Variants in MYO9A observed in about 807,000 individuals in gnomAD.
MYO9A encodes the protein unconventional myosin-IXa.
In MYO9A, 103 loss-of-function variants were observed where a neutral mutation model predicts 293.3. The observed-to-expected ratio is 0.35, with a 90% CI of 0.30 to 0.41. MYO9A has a LOEUF of 0.41. Among genes scored for constraint, MYO9A ranks in the 10% least tolerant of loss-of-function variants. The pLI is 1.00. For synonymous variants in MYO9A, 1,001 were observed against 1,035.7 expected (o/e 0.97, Z 0.64); for missense variants, 2,685 against 3,033.0 (o/e 0.89, Z 2.69).
intron 1 of MYO9A, among the ~76,000 whole-genome samples, chr15:72,086,346 G>A (rs2079727606): frequency 6.6e-6 from 1 of 152,044 alleles, no homozygotes; most frequent in African/African-American, 2.4e-5. Context: ...ACACAGGTGG[G>A]GATGGCCACT....
At chr15:71,920,184 T>C (rs998841858) in intron 18 of MYO9A, among the ~76,000 whole-genome samples, 10 of 152,242 alleles carry the variant, frequency 6.6e-5, no homozygotes, top group African/African-American at 2.2e-4. Context: ...TCCATCATTA[T>C]GGTTGAGTTT....
chr15:71,913,390 C>G (rs1258611612), intron 19 of MYO9A, among the ~76,000 whole-genome samples: 1 of 152,124 alleles, frequency 6.6e-6, no homozygotes, highest in Non-Finnish European at 1.5e-5. Context: ...AAAGACAGGA[C>G]AGAACAACTC....
chr15:72,049,154 TACAA>T (rs1216467464), intron 1 of MYO9A, among the ~76,000 whole-genome samples: 1 of 152,220 alleles, frequency 6.6e-6, no homozygotes, highest in African/African-American at 2.4e-5. Context: ...TTGTTTTTCA[TACAA>T]ACACTTACTG....
At chr15:71,860,068 C>G (rs979314438) in intron 33 of MYO9A, among the ~76,000 whole-genome samples, 6 of 152,114 alleles carry the variant, frequency 3.9e-5, no homozygotes, top group Non-Finnish European at 7.4e-5. Context: ...GCCCCTATGC[C>G]ATACAGTACC....
intron 2 of MYO9A, among the ~76,000 whole-genome samples, chr15:72,040,672 T>C (rs2078200882): frequency 6.6e-6 from 1 of 152,228 alleles, no homozygotes; most frequent in Admixed American, 6.5e-5. Context: ...ATTGGCTCAC[T>C]GCAACCTTTG....
At chr15:72,078,147 A>G (rs1044794971) in intron 1 of MYO9A, among the ~76,000 whole-genome samples, 1 of 152,176 alleles carries the variant, frequency 6.6e-6, no homozygotes, top group South Asian at 2.1e-4. Context: ...TACTTTTGCC[A>G]TATAATCTAC....
intron 12 of MYO9A, chr15:71,972,351 G>A (rs1052952006): frequency 6.6e-6 from 1 of 151,760 alleles, no homozygotes; most frequent in African/African-American, 2.4e-5. Flanking sequence ...AATATACTGG[G>A]GTAAATGTAA....
At chr15:71,994,714 TA>T in intron 9 of MYO9A, 129 bp from the exon 10 acceptor site, 1 of 569,236 alleles carries the variant, frequency 1.8e-6, no homozygotes. Flanking sequence ...TCTCTCAAAA[TA>T]AAAAATCTAT....
intron 1 of MYO9A, among the ~76,000 whole-genome samples, chr15:72,061,235 C>T (rs2078869202): frequency 6.6e-6 from 1 of 152,176 alleles, no homozygotes; most frequent in Non-Finnish European, 1.5e-5. Context: ...ACCATGCTAA[C>T]TTCAGATGTA....
At chr15:71,869,942 T>C (rs2056456284) in intron 32 of MYO9A, among the ~76,000 whole-genome samples, 1 of 152,236 alleles carries the variant, frequency 6.6e-6, no homozygotes, top group African/African-American at 2.4e-5. Context: ...TCTTTGTTTC[T>C]TCCTTAAATA....
intron 10 of MYO9A, among the ~76,000 whole-genome samples, chr15:71,994,045 A>T (rs959617774): frequency 6.6e-6 from 1 of 152,142 alleles, no homozygotes; most frequent in Admixed American, 6.6e-5. Context: ...TTGTTACAGC[A>T]TTGTTTATAA....
At chr15:72,028,218 A>AATAAATAAATATATATATATAT (rs1555408276) in intron 3 of MYO9A, among the ~76,000 whole-genome samples, 4 of 134,254 alleles carry the variant, frequency 3.0e-5, no homozygotes, top group African/African-American at 1.1e-4. Flanking sequence ...TAAATAAATA[A>AATAAATAAATATATATATATAT]ATATATATAT....
intron 11 of MYO9A, among the ~76,000 whole-genome samples, chr15:71,983,825 C>T (rs940977921): frequency 2.6e-5 from 4 of 152,156 alleles, no homozygotes; most frequent in African/African-American, 4.8e-5. Context: ...TTTAACTTTG[C>T]CTCATTAATA....
At chr15:72,016,835 T>C (rs1005817050) in intron 6 of MYO9A, among the ~76,000 whole-genome samples, 11 of 152,134 alleles carry the variant, frequency 7.2e-5, no homozygotes, top group Non-Finnish European at 1.6e-4. Flanking sequence ...ACTTCAATGG[T>C]GGCAACAACA....
chr15:71,852,010 A>C, intron 36 of MYO9A, 122 bp downstream of exon 36: 2 of 1,188,748 alleles, frequency 1.7e-6, no homozygotes, highest in Non-Finnish European at 1.1e-6. Context: ...TTCACTGTCA[A>C]AAGCTTACCT....
intron 15 of MYO9A, among the ~76,000 whole-genome samples, chr15:71,946,518 A>G (rs1305272011): frequency 6.6e-6 from 1 of 152,190 alleles, no homozygotes; most frequent in Non-Finnish European, 1.5e-5. Context: ...AGCATATATA[A>G]TTGTGTCCAC....
At chr15:71,838,052 G>T (rs1418297471) in intron 39 of MYO9A, among the ~76,000 whole-genome samples, 2 of 151,928 alleles carry the variant, frequency 1.3e-5, no homozygotes, top group Non-Finnish European at 2.9e-5. Context: ...GTGTCACAGA[G>T]TGAAAAAGGC....
chr15:72,037,376 G>A (rs1029929883), intron 2 of MYO9A, among the ~76,000 whole-genome samples: 3 of 151,636 alleles, frequency 2.0e-5, no homozygotes, highest in Non-Finnish European at 2.9e-5. Context: ...GGAAGGCCAC[G>A]AGCATGCACA....
At chr15:71,866,668 T>C (rs1031793707) in intron 32 of MYO9A, among the ~76,000 whole-genome samples, 1 of 152,050 alleles carries the variant, frequency 6.6e-6, no homozygotes, top group Non-Finnish European at 1.5e-5. Context: ...GTAATAGAAA[T>C]AGAAGTACTA....
Sources: gnomAD v4.1 joint callset for allele counts (sites outside exome capture counted in the v4.1 genomes callset) on GRCh38, gnomAD v4.1.1 for gene constraint, MANE v1.5 for transcripts, NCBI Gene and HGNC (gene_info 2026-07-23, HGNC 2026-07-21) for gene names.